The following WDR88 variants were observed in gnomAD, a reference collection of about 807,000 sequenced individuals.
WDR88 encodes WD repeat-containing protein 88.
In WDR88, 40 loss-of-function variants were observed where a neutral mutation model predicts 46.8. That is an observed-to-expected ratio of 0.86 (90% CI 0.66 to 1.11). WDR88 has a LOEUF of 1.11. Among genes scored for constraint, WDR88 ranks in the 50% most tolerant of loss-of-function variants. WDR88 has a pLI of 0.00. For synonymous variants in WDR88, 235 were observed against 240.7 expected (o/e 0.98, Z 0.22); for missense variants, 562 against 602.4 (o/e 0.93, Z 0.70).
chr19:33,150,900 G>A (rs1431422144), intron 5 of WDR88, among the ~76,000 whole-genome samples: 2 of 152,230 alleles, frequency 1.3e-5, no homozygotes, highest in Non-Finnish European at 2.9e-5. Flanking sequence ...TTGGTGGCCC[G>A]TGCACTCATC....
chr19:33,162,792 G>A (rs1461885911), intron 8 of WDR88, among the ~76,000 whole-genome samples: 1 of 152,084 alleles, frequency 6.6e-6, no homozygotes, highest in African/African-American at 2.4e-5. Context: ...TGAGGCAGGA[G>A]AATCACTTGA....
intron 2 of WDR88, among the ~76,000 whole-genome samples, chr19:33,140,508 G>A (rs1938813164): frequency 6.6e-6 from 1 of 152,114 alleles, no homozygotes; most frequent in Non-Finnish European, 1.5e-5. Context: ...AAGACACGTC[G>A]GCTGGGCGCA....
At position 33,153,839 on chromosome 19, in the gene WDR88, A is replaced by G. The variant is rs193251328; in HGVS notation, c.810-2516A>G. 5.1e-3 allele frequency among the ~76,000 whole-genome samples: 769 copies of G among 152,138 alleles called. 10 individuals carry two copies. The highest frequency in any genetic ancestry group is 0.017 in the African/African-American group (718 of 41,500). The stretch of plus-strand genomic sequence containing the variant: ...CTGTCATTCATATTGTTTTTCTCCT[A>G]TAGGTAAAAAGTCATTTCTCTCTTG... On this transcript the variant is annotated intron_variant, in intron 6 of 10. Coordinates refer to ENST00000355868, the MANE Select transcript of WDR88 (RefSeq NM_173479.4).
At chr19:33,141,145 C>A (rs1003640429) in intron 2 of WDR88, among the ~76,000 whole-genome samples, 2 of 151,592 alleles carry the variant, frequency 1.3e-5, no homozygotes, top group Admixed American at 1.3e-4. Context: ...CTACATTGCC[C>A]AGGCTGGTCT....
At chr19:33,138,309 C>T (rs920454881) in intron 2 of WDR88, among the ~76,000 whole-genome samples, 1 of 151,926 alleles carries the variant, frequency 6.6e-6, no homozygotes, top group Non-Finnish European at 1.5e-5. Flanking sequence ...ACCTCGGCCT[C>T]CCGAAGTGCT....
chr19:33,174,685 A>G (rs1052762702), intron 10 of WDR88: 2 of 985,270 alleles, frequency 2.0e-6, no homozygotes, highest in African/African-American at 3.5e-5. Context: ...TGTTCTCAGG[A>G]TGTCAGGGAG....
At chr19:33,171,694 T>TA (rs35675204) in intron 9 of WDR88, among the ~76,000 whole-genome samples, 31,570 of 152,074 alleles carry the variant, frequency 0.21, 4,734 homozygotes, top group African/African-American at 0.4. Context: ...GTCCATGGTT[T>TA]TATAGTTTCA....
chr19:33,162,908 A>G (rs1220262800), intron 8 of WDR88, among the ~76,000 whole-genome samples: 1 of 151,738 alleles, frequency 6.6e-6, no homozygotes, highest in Non-Finnish European at 1.5e-5. Context: ...ATAAATAAAT[A>G]TAGAATGGGT....
At chr19:33,163,241 G>A (rs1394516322) in intron 8 of WDR88, among the ~76,000 whole-genome samples, 1 of 152,038 alleles carries the variant, frequency 6.6e-6, no homozygotes, top group Non-Finnish European at 1.5e-5. Context: ...GCTGAGGCAG[G>A]AGAATGGCGT....
At chr19:33,133,015 A>G (rs955191670) in intron 1 of WDR88, among the ~76,000 whole-genome samples, 16 of 151,854 alleles carry the variant, frequency 1.1e-4, no homozygotes, top group Non-Finnish European at 2.1e-4. Context: ...AACTTAGCCC[A>G]GTGTGATGGG....
In WDR88 at chr19:33,147,687, C is replaced by T. The variant is rs1599891045; in HGVS notation, c.519C>T (p.Asp173=). The T allele has an allele frequency of 6.2e-7, 1 of 1,614,002 alleles. No individual in the cohort carries two copies. Among genetic ancestry groups the T allele is most frequent in the Non-Finnish European group, 8.5e-7 (1 of 1,179,948 alleles). Residue 173 remains aspartate, a synonymous_variant, in exon 4 of 11, where the codon GAC becomes GAT. Coordinates refer to ENST00000355868, the MANE Select transcript of WDR88 (RefSeq NM_173479.4). ...ASYDKTVRAW[D]LETGKLLWKV... is the part of the protein sequence containing the mutation. ...ATGATAAGACAGTGAGGGCCTGGGA[C>T]CTGGAGACAGGCAAGCTGCTGGTAC...
intron 10 of WDR88, chr19:33,174,740 T>TG: frequency 2.0e-6 from 2 of 985,340 alleles, no homozygotes; most frequent in Non-Finnish European, 1.2e-6. Context: ...GAACAATGGA[T>TG]GGGGCGGGAC....
Position 33,149,657 on chromosome 19 carries a change from C to CT in WDR88, c.679+759dup, listed in dbSNP as rs113775920. Among the ~76,000 whole-genome samples, 831 of 146,414 alleles carry CT rather than the reference C, an allele frequency of 5.7e-3. 22 individuals are homozygous for CT. In the East Asian group the frequency reaches 0.057, roughly 10 times the overall value. ...GCCCCCTCACCCGGCCTACCTGTAT[C>CT]TTTTTTTTTTTTCTTTTTTGAGATG... is the stretch of plus-strand genomic sequence containing the variant. On this transcript the variant is annotated intron_variant, in intron 5 of 10. Transcript: ENST00000355868.
chr19:33,158,445 G>GAA (rs573489432), intron 7 of WDR88, among the ~76,000 whole-genome samples: 1 of 148,282 alleles, frequency 6.7e-6, no homozygotes, highest in Non-Finnish European at 1.5e-5. Flanking sequence ...AAAAAAGAAA[G>GAA]AAAAAAAAAA....
intron 9 of WDR88, 46 bp downstream of exon 9, chr19:33,164,311 G>A (rs1973919007): frequency 1.3e-6 from 2 of 1,562,482 alleles, no homozygotes; most frequent in Admixed American, 3.3e-5. Flanking sequence ...CGCCAGGATT[G>A]GTGATAGTGG....
In WDR88 at chr19:33,132,383, T is replaced by C. The variant is rs750303377; in HGVS notation, c.214T>C (p.Leu72=). ...GGACAGGGAACCACCACCGCATCTGTTGCCTGAGAAGCACCAGGTGCCGGA... is the reference window on the plus strand; with the variant it reads ...GGACAGGGAACCACCACCGCATCTGCTGCCTGAGAAGCACCAGGTGCCGGA... The part of the protein sequence containing the change: ...ALDREPPPHL[L]PEKHQVPEKL... Residue 72 remains leucine, a synonymous_variant, in exon 1 of 11, where the codon TTG becomes CTG. Coordinates refer to ENST00000355868, the MANE Select transcript of WDR88 (RefSeq NM_173479.4). 3.2e-5 allele frequency: 52 copies of C among 1,613,924 alleles called. No individual in the cohort carries two copies. The highest frequency in any genetic ancestry group is 4.2e-5 in the Non-Finnish European group (49 of 1,179,996).
intron 10 of WDR88, chr19:33,174,806 C>A (rs561200229): frequency 1.0e-5 from 10 of 985,178 alleles, no homozygotes; most frequent in South Asian, 4.7e-5. Context: ...CCTCAGGACC[C>A]CCATGGCAGG....
chr19:33,157,609 A>G (rs139175777), intron 7 of WDR88, among the ~76,000 whole-genome samples: 8,294 of 142,262 alleles, frequency 0.058, 363 homozygotes, highest in Admixed American at 0.16. Context: ...ATATGTATAT[A>G]TATGTGTATA....
At chr19:33,132,691 G>T (rs1395194112) in intron 1 of WDR88, among the ~76,000 whole-genome samples, 1 of 152,342 alleles carries the variant, frequency 6.6e-6, no homozygotes, top group South Asian at 2.1e-4. Context: ...AGGACTCTTC[G>T]CTGGGAGGAG....
Sources: gnomAD v4.1 joint callset for allele counts (sites outside exome capture counted in the v4.1 genomes callset) on GRCh38, gnomAD v4.1.1 for gene constraint, MANE v1.5 for transcripts, NCBI Gene and HGNC (gene_info 2026-07-23, HGNC 2026-07-21) for gene names.